Variants in RBFOX2 observed in about 807,000 individuals in gnomAD.
RBFOX2 encodes the protein RNA binding fox-1 homolog 2.
Under a neutral mutation model 49.1 loss-of-function variants are expected in RBFOX2, and 10 were observed. The observed-to-expected ratio is 0.20, with a 90% confidence interval of 0.13 to 0.35. RBFOX2 has a LOEUF of 0.35. Ranked by LOEUF, RBFOX2 falls within the 10% of genes least tolerant of loss-of-function variation. The pLI, the probability that RBFOX2 is intolerant of heterozygous loss-of-function variation, is 1.00. For synonymous variants in RBFOX2, 183 were observed against 187.4 expected (o/e 0.98, Z 0.19); for missense variants, 323 against 486.9 (o/e 0.66, Z 3.17).
intron 2 of RBFOX2, among the ~76,000 whole-genome samples, chr22:35,799,648 G>T (rs1035614408): frequency 4.6e-5 from 7 of 152,072 alleles, no homozygotes; most frequent in Admixed American, 3.3e-4. Flanking sequence ...ACTTATGATG[G>T]TTAAAAATAA....
chr22:35,757,540 C>G (rs756803357), intron 9 of RBFOX2, among the ~76,000 whole-genome samples: 5 of 152,114 alleles, frequency 3.3e-5, no homozygotes, highest in African/African-American at 7.2e-5. Flanking sequence ...ATATTTTTAA[C>G]TTGAATATGA....
At chr22:35,961,245 T>C (rs1020239692) in intron 1 of RBFOX2, among the ~76,000 whole-genome samples, 1 of 152,180 alleles carries the variant, frequency 6.6e-6, no homozygotes, top group Admixed American at 6.5e-5. Context: ...TACTAAAATA[T>C]GCACACAAAT....
intron 1 of RBFOX2, among the ~76,000 whole-genome samples, chr22:35,860,720 A>G (rs2043006767): frequency 1.3e-5 from 2 of 152,220 alleles, no homozygotes; most frequent in Non-Finnish European, 2.9e-5. Flanking sequence ...ATTTCTACAA[A>G]TATCTGGCTA....
chr22:35,775,178 AG>A (rs1943579388), intron 4 of RBFOX2, among the ~76,000 whole-genome samples: 1 of 152,196 alleles, frequency 6.6e-6, no homozygotes, highest in Admixed American at 6.5e-5. Flanking sequence ...ATCCCAGAGG[AG>A]GCATCCATGG....
At chr22:35,907,353 C>T (rs1042852862) in intron 1 of RBFOX2, among the ~76,000 whole-genome samples, 6 of 152,194 alleles carry the variant, frequency 3.9e-5, no homozygotes, top group African/African-American at 1.4e-4. Context: ...GGGGAGGGGA[C>T]ACCCCTCTTT....
At chr22:35,835,945 G>A (rs1293814090) in intron 1 of RBFOX2, among the ~76,000 whole-genome samples, 1 of 151,558 alleles carries the variant, frequency 6.6e-6, no homozygotes, top group East Asian at 1.9e-4. Context: ...AAAAAGTGAG[G>A]CTTTTTTTTT....
At chr22:35,858,957 C>T (rs2042830415) in intron 1 of RBFOX2, among the ~76,000 whole-genome samples, 1 of 151,864 alleles carries the variant, frequency 6.6e-6, no homozygotes, top group African/African-American at 2.4e-5. Flanking sequence ...TCACCACATA[C>T]AGACCATCCC....
intron 4 of RBFOX2, among the ~76,000 whole-genome samples, chr22:35,773,554 C>T (rs1367930541): frequency 6.6e-6 from 1 of 151,904 alleles, no homozygotes; most frequent in Non-Finnish European, 1.5e-5. Context: ...CATCTAATAT[C>T]TATCAATTTT....
intron 2 of RBFOX2, among the ~76,000 whole-genome samples, chr22:35,784,379 T>G (rs1945907975): frequency 6.6e-6 from 1 of 152,262 alleles, no homozygotes; most frequent in African/African-American, 2.4e-5. Flanking sequence ...GAGAGGCACA[T>G]GGGCTGAGGG....
At chr22:35,956,818 T>C (rs1190645324) in intron 1 of RBFOX2, among the ~76,000 whole-genome samples, 1 of 152,242 alleles carries the variant, frequency 6.6e-6, no homozygotes, top group Non-Finnish European at 1.5e-5. Context: ...AGAAGTGCTT[T>C]ATTTGTATTA....
intron 11 of RBFOX2, among the ~76,000 whole-genome samples, chr22:35,745,704 T>C (rs1332168413): frequency 6.6e-6 from 1 of 152,214 alleles, no homozygotes; most frequent in East Asian, 1.9e-4. Context: ...TTATCAATGA[T>C]CATTCCTTTC....
At chr22:35,741,453 G>A (rs947110207) in exon 12 of RBFOX2, 1 of 152,270 alleles carries the variant, frequency 6.6e-6, no homozygotes, top group African/African-American at 2.4e-5. Context: ...GTGCTGCTTC[G>A]AGCAACCTGC....
In RBFOX2 at chr22:35,995,084, T is replaced by C. The variant is rs540942427; in HGVS notation, c.186+33156A>G. ...AAAAGAAAGAGGGAAAGGACAGTGC[T>C]TACTGTTAGAAAGAGGAACAACTAC... On this transcript the variant is annotated intron_variant, in intron 1 of 13. Coordinates refer to the RBFOX2 transcript ENST00000438146. 2.0e-5 allele frequency: 3 copies of C among 152,372 alleles called. No individual in the cohort carries two copies. In the East Asian group the frequency reaches 5.8e-4, roughly 29 times the overall value. 9.4% of individuals were successfully genotyped at this position (152,372 alleles called of 1,614,324 possible). A position where few individuals can be genotyped will look rare whatever the true frequency, so the allele number is the denominator to read the frequency against.
intron 1 of RBFOX2, among the ~76,000 whole-genome samples, chr22:35,918,037 C>T (rs1323683202): frequency 5.9e-5 from 9 of 152,254 alleles, no homozygotes; most frequent in South Asian, 2.1e-4. Flanking sequence ...AAATGTAAAA[C>T]GGGGGTGATA....
At chr22:35,743,966 G>T in exon 12 of RBFOX2, 44 of 339,484 alleles carry the variant, frequency 1.3e-4, no homozygotes, top group Middle Eastern at 8.0e-4. Flanking sequence ...AAAAAAAAAA[G>T]AAAAAAATGC....
chr22:35,771,090 G>A (rs1207511962), intron 4 of RBFOX2, among the ~76,000 whole-genome samples: 1 of 152,062 alleles, frequency 6.6e-6, no homozygotes, highest in Non-Finnish European at 1.5e-5. Flanking sequence ...GCCAAATAAT[G>A]GCTTCCCAAA....
upstream of RBFOX2, among the ~76,000 whole-genome samples, chr22:35,845,159 G>T (rs767438133): frequency 3.9e-4 from 59 of 152,162 alleles, no homozygotes; most frequent in Non-Finnish European, 5.4e-4. Context: ...TTGGTATAAA[G>T]GCTCTTCACG....
rs1288376323 is a variant in RBFOX2 at position 35,759,173 on chromosome 22, A to C, written c.887+715T>G. Among the ~76,000 whole-genome samples, 1 of 152,130 alleles carries C rather than the reference A, an allele frequency of 6.6e-6. No homozygotes were observed. The highest frequency in any genetic ancestry group is 2.4e-5 in the African/African-American group (1 of 41,428). On this transcript the variant is annotated intron_variant, in intron 9 of 11. Transcript: ENST00000405409. The surrounding 1 kb of genome is among the most constrained non-coding windows in gnomAD (Gnocchi z 4.6). Reference sequence around the variant, plus strand: ...CACTCCTTTTCCCCATTCAGTAGCAAAGGATTTATTTGTTGCTATGGAATC... The same window carrying C: ...CACTCCTTTTCCCCATTCAGTAGCACAGGATTTATTTGTTGCTATGGAATC...
intron 1 of RBFOX2, among the ~76,000 whole-genome samples, chr22:35,849,702 G>T (rs908434926): frequency 6.6e-6 from 1 of 152,144 alleles, no homozygotes; most frequent in Admixed American, 6.5e-5. Flanking sequence ...CCTGTCCAAA[G>T]GAACTAGGTA....
Sources: gnomAD v4.1 joint callset for allele counts (sites outside exome capture counted in the v4.1 genomes callset) on GRCh38, gnomAD v4.1.1 for gene constraint, Gnocchi (gnomAD v3.1) non-coding constraint, MANE v1.5 for transcripts, NCBI Gene and HGNC (gene_info 2026-07-23, HGNC 2026-07-21) for gene names.